TAF3: variants seen among roughly 807,000 people sequenced by gnomAD.
The protein encoded by TAF3 is TATA-box binding protein associated factor 3, also known as transcription initiation factor TFIID subunit 3.
In TAF3, 7 loss-of-function variants were observed where a neutral mutation model predicts 80.6. The observed-to-expected ratio is 0.09, with a 90% CI of 0.05 to 0.16. The LOEUF is 0.16. Among genes scored for constraint, TAF3 ranks in the 10% least tolerant of loss-of-function variants. The pLI is 1.00. For missense variants in TAF3, 921 were observed against 1,140.2 expected (o/e 0.81, Z 2.77); for synonymous variants, 444 against 446.1 (o/e 1.00, Z 0.06).
At chr10:7,891,538 A>T (rs193280122) in intron 2 of TAF3, among the ~76,000 whole-genome samples, 91 of 152,338 alleles carry the variant, frequency 6.0e-4, no homozygotes, top group Non-Finnish European at 1.0e-3. Context: ...AAATTTTTTG[A>T]AAACAGTTTT....
intron 3 of TAF3, among the ~76,000 whole-genome samples, chr10:7,970,391 G>C (rs1831611372): frequency 6.6e-6 from 1 of 152,214 alleles, no homozygotes; most frequent in Admixed American, 6.5e-5. Context: ...AGTGGTTCCT[G>C]TTTTACAGTT....
chr10:7,855,105 G>T (rs1837065464), intron 2 of TAF3, among the ~76,000 whole-genome samples: 1 of 152,124 alleles, frequency 6.6e-6, no homozygotes. Flanking sequence ...AAAGTCGAGG[G>T]TCAAATGGTA....
chr10:8,006,179 T>TAC (rs59502450), intron 4 of TAF3, among the ~76,000 whole-genome samples: 12,274 of 134,450 alleles, frequency 0.091, 549 homozygotes, highest in East Asian at 0.2. Context: ...AAAAAAAAAA[T>TAC]ACACACACAC....
intron 2 of TAF3, among the ~76,000 whole-genome samples, chr10:7,864,810 AAT>A (rs1476063269): frequency 7.3e-6 from 1 of 136,756 alleles, no homozygotes; most frequent in African/African-American, 2.7e-5. Context: ...GTTTTAAGGA[AAT>A]ATAGTTTATC....
intron 2 of TAF3, among the ~76,000 whole-genome samples, chr10:7,953,125 C>G (rs1420126800): frequency 9.9e-5 from 15 of 151,022 alleles, no homozygotes; most frequent in Non-Finnish European, 1.5e-5. Flanking sequence ...GTAGTAATAC[C>G]CCGTGTTCTA....
intron 2 of TAF3, among the ~76,000 whole-genome samples, chr10:7,931,547 A>G (rs563391063): frequency 2.0e-5 from 3 of 152,252 alleles, no homozygotes; most frequent in Admixed American, 1.3e-4. Flanking sequence ...CACTTCTGAC[A>G]TAATGAAACT....
intron 2 of TAF3, among the ~76,000 whole-genome samples, chr10:7,862,120 G>A (rs539678736): frequency 4.6e-5 from 7 of 152,170 alleles, no homozygotes; most frequent in African/African-American, 1.7e-4. Flanking sequence ...GTTACCATCT[G>A]GTTTGTTTTT....
chr10:7,838,721 C>G (rs1402468411), intron 2 of TAF3, among the ~76,000 whole-genome samples: 1 of 152,012 alleles, frequency 6.6e-6, no homozygotes, highest in South Asian at 2.1e-4. Context: ...TTCTTGAATA[C>G]CTTCTGGCCC....
chr10:7,844,286 AC>A (rs924198385), intron 2 of TAF3, among the ~76,000 whole-genome samples: 18 of 152,026 alleles, frequency 1.2e-4, no homozygotes, highest in African/African-American at 4.3e-4. Context: ...TGATTTTTAA[AC>A]ATTATTACTA....
intron 2 of TAF3, among the ~76,000 whole-genome samples, chr10:7,910,586 G>A (rs192140872): frequency 2.6e-5 from 4 of 152,156 alleles, no homozygotes; most frequent in African/African-American, 9.6e-5. Flanking sequence ...TCACCATGTT[G>A]GCCAGGCTGG....
chr10:7,939,058 C>A (rs377502658), intron 2 of TAF3, among the ~76,000 whole-genome samples: 1 of 152,170 alleles, frequency 6.6e-6, no homozygotes, highest in Non-Finnish European at 1.5e-5. Flanking sequence ...TTATGGGAAA[C>A]AAGATGATTG....
chr10:7,916,493 A>G (rs1002297726), intron 2 of TAF3, among the ~76,000 whole-genome samples: 2 of 152,222 alleles, frequency 1.3e-5, no homozygotes, highest in South Asian at 2.1e-4. Flanking sequence ...TAATATACCT[A>G]TATGTCTCCC....
At chr10:7,962,032 G>A (rs914256529) in intron 2 of TAF3, among the ~76,000 whole-genome samples, 1 of 151,894 alleles carries the variant, frequency 6.6e-6, no homozygotes, top group Non-Finnish European at 1.5e-5. Context: ...GTATTTTTTA[G>A]TAAAGATGGG....
At chr10:8,005,941 A>G (rs1831986745) in intron 4 of TAF3, among the ~76,000 whole-genome samples, 3 of 152,182 alleles carry the variant, frequency 2.0e-5, no homozygotes, top group South Asian at 2.1e-4. Flanking sequence ...TGTAGTAGTA[A>G]CCTGTGTTAA....
At chr10:7,974,548 G>A (rs1263962043) in intron 3 of TAF3, among the ~76,000 whole-genome samples, 1 of 152,140 alleles carries the variant, frequency 6.6e-6, no homozygotes, top group African/African-American at 2.4e-5. Flanking sequence ...CATGACAAGA[G>A]GAGAGGGCCA....
At chr10:7,859,420 T>C (rs1310722222) in intron 2 of TAF3, among the ~76,000 whole-genome samples, 1 of 152,318 alleles carries the variant, frequency 6.6e-6, no homozygotes, top group East Asian at 1.9e-4. Flanking sequence ...TGAAATCATC[T>C]GACATGGGCC....
At chr10:7,955,350 T>C (rs928042346) in intron 2 of TAF3, among the ~76,000 whole-genome samples, 3 of 152,236 alleles carry the variant, frequency 2.0e-5, no homozygotes, top group Admixed American at 6.5e-5. Context: ...CATACATTTT[T>C]CATTTACAGA....
chr10:7,934,164 T>C (rs1432186979), intron 2 of TAF3, among the ~76,000 whole-genome samples: 1 of 152,224 alleles, frequency 6.6e-6, no homozygotes, highest in Non-Finnish European at 1.5e-5. Flanking sequence ...AAAGAACTTT[T>C]AGGACTACCT....
intron 3 of TAF3, among the ~76,000 whole-genome samples, chr10:7,969,872 T>C (rs922316821): frequency 6.6e-6 from 1 of 152,180 alleles, no homozygotes; most frequent in African/African-American, 2.4e-5. Context: ...TTCACCAACC[T>C]CCCATCCTCG....
Sources: gnomAD v4.1 joint callset for allele counts (sites outside exome capture counted in the v4.1 genomes callset) on GRCh38, gnomAD v4.1.1 for gene constraint, MANE v1.5 for transcripts, NCBI Gene and HGNC (gene_info 2026-07-23, HGNC 2026-07-21) for gene names.